TNC: variants seen among roughly 807,000 people sequenced by gnomAD.
TNC encodes the protein tenascin C, also known as tenascin.
In TNC, 109 loss-of-function variants were observed where a neutral mutation model predicts 202.4. The observed-to-expected ratio is 0.54, with a 90% CI of 0.46 to 0.63. The LOEUF is 0.63. Ranked by LOEUF, TNC falls within the 30% of genes least tolerant of loss-of-function variation. The pLI, the probability that TNC is intolerant of heterozygous loss-of-function variation, is 0.00. For missense variants in TNC, 2,756 were observed against 2,833.3 expected (o/e 0.97, Z 0.62); for synonymous variants, 1,007 against 1,089.7 (o/e 0.92, Z 1.50).
In TNC at chr9:115,114,836, T is replaced by C. The variant is rs557179213; in HGVS notation, c.-137+3146A>G. Among the ~76,000 whole-genome samples, 166 of 152,350 alleles carry C rather than the reference T, an allele frequency of 1.1e-3. 3 individuals carry two copies. The South Asian group carries it at 0.019, about 17-fold the overall frequency. On this transcript the variant is annotated intron_variant, in intron 1 of 27. Transcript: ENST00000350763. ...TAACTTCCTTGAGTGTCGATTTCTT[T>C]AAAATTGAGCTAGTAATTTATAATT...
At position 115,076,127 on chromosome 9, in the gene TNC, G is replaced by A. The variant is rs1171407454; in HGVS notation, c.2861-6C>T. On this transcript the variant is annotated splice_polypyrimidine_tract_variant and splice_region_variant and intron_variant, in intron 8 of 27. Coordinates refer to ENST00000350763, the MANE Select transcript of TNC (RefSeq NM_002160.4). ...TTCAGTTCCCGGCCTCAGACCTAAG[G>A]AGAGAATGTGCAAGTTGAGATTCAT... 2 of 1,612,974 alleles carry A rather than the reference G, an allele frequency of 1.2e-6. No homozygotes were observed. The highest frequency in any genetic ancestry group is 4.5e-5 in the East Asian group (2 of 44,866).
At position 115,078,217 on chromosome 9, in the gene TNC, G is replaced by C. The variant is rs759634027; in HGVS notation, c.2405-5C>G. On this transcript the variant is annotated splice_polypyrimidine_tract_variant and splice_region_variant and intron_variant, in intron 6 of 27. Coordinates refer to ENST00000350763, the MANE Select transcript of TNC (RefSeq NM_002160.4). The stretch of plus-strand genomic sequence containing the variant: ...TCTGGCTGGGGGCATCCAAGCCTAT[G>C]ATGGGCAGAGGACAGAGAGGCTTCA... 6.2e-7 allele frequency: 1 copy of C among 1,601,114 alleles called. No homozygotes were observed. The highest frequency in any genetic ancestry group is 8.5e-7 in the Non-Finnish European group (1 of 1,170,326).
Position 115,059,765 on chromosome 9 carries a change from T to C in TNC, c.4271A>G (p.Tyr1424Cys), listed in dbSNP as rs1192461670. The change falls in exon 14 of 28, where the codon TAT becomes TGT. Residue 1424 changes from tyrosine (Y) to cysteine (C), a missense_variant. This residue lies in a region of TNC where 2,559 missense variants were observed against 2,546.0 expected (regional missense o/e 1.01). Transcript: ENST00000350763. The stretch of plus-strand genomic sequence containing the variant: ...CTCAGCAGAGAGTACTGGTGTTCTA[T>C]AGCCCCGGATCACCCCATAGATGGA... ...RVSIYGVIRGYRTPVLSAEAS... is the reference protein window; with the variant it reads ...RVSIYGVIRGCRTPVLSAEAS... The C allele has an allele frequency of 1.2e-6, 2 of 1,613,276 alleles. No homozygotes were observed. The highest frequency in any genetic ancestry group is 1.7e-6 in the Non-Finnish European group (2 of 1,179,356).
chr9:115,087,698 C>CTTTTTTTTTT (rs752435283), intron 2 of TNC, among the ~76,000 whole-genome samples: 82 of 119,712 alleles, frequency 6.8e-4, no homozygotes, highest in Non-Finnish European at 9.0e-4. Flanking sequence ...TCTTTCTTTT[C>CTTTTTTTTTT]TTTTTTTTTT....
intron 15 of TNC, among the ~76,000 whole-genome samples, chr9:115,050,407 G>A (rs1016725281): frequency 6.6e-6 from 1 of 152,076 alleles, no homozygotes; most frequent in Non-Finnish European, 1.5e-5. Context: ...TACAAGCAAT[G>A]GCCTGATGGG....
intron 19 of TNC, 59 bp downstream of exon 19, chr9:115,040,882 C>G: frequency 6.5e-7 from 1 of 1,538,250 alleles, no homozygotes; most frequent in Non-Finnish European, 8.8e-7. Flanking sequence ...GCATAGGATG[C>G]ACAAGTGACC....
At chr9:115,106,166 C>T (rs1299617684) in intron 1 of TNC, among the ~76,000 whole-genome samples, 1 of 152,196 alleles carries the variant, frequency 6.6e-6, no homozygotes, top group Non-Finnish European at 1.5e-5. Context: ...AATATTTATA[C>T]TGTGCGTGGC....
At chr9:115,087,385 C>G (rs1834851377) in intron 2 of TNC, 112 bp from the exon 3 acceptor site, 1 of 1,042,420 alleles carries the variant, frequency 9.6e-7, no homozygotes, top group Non-Finnish European at 1.4e-6. Flanking sequence ...CACCCTCAGG[C>G]TCCATCTGGC....
chr9:115,115,656 A>G (rs929659720), intron 1 of TNC, among the ~76,000 whole-genome samples: 6 of 152,134 alleles, frequency 3.9e-5, no homozygotes, highest in Non-Finnish European at 8.8e-5. Flanking sequence ...CTATTTGTGG[A>G]CTTGCTCTTA....
At chr9:115,032,643 T>C (rs1420731045) in intron 22 of TNC, among the ~76,000 whole-genome samples, 2 of 152,188 alleles carry the variant, frequency 1.3e-5, no homozygotes, top group Non-Finnish European at 2.9e-5. Flanking sequence ...TCCCAAGTGA[T>C]TTGAATGTGC....
chr9:115,086,571 C>T lies in TNC; in HGVS notation c.1160G>A (p.Cys387Tyr). 1 of 1,614,172 alleles carries T rather than the reference C, an allele frequency of 6.2e-7. No individual in the cohort carries two copies. Among genetic ancestry groups the T allele is most frequent in the Non-Finnish European group, 8.5e-7 (1 of 1,180,048 alleles). Residue 387 changes from cysteine to tyrosine, a missense_variant, in exon 3 of 28, where the codon TGT becomes TAT. Cys to Tyr is a radical substitution (Grantham distance 194). Coordinates refer to ENST00000350763, the MANE Select transcript of TNC (RefSeq NM_002160.4). ...ATCACACTCACACCGCCCGTCTACA[C>T]AGCGGCCACGATTGTGACAGTCAGC... The part of the protein sequence containing the change: ...CPADCHNRGR[C>Y]VDGRCECDDG...
At position 115,048,379 on chromosome 9, in the gene TNC, G is replaced by A. The variant is rs777641975; in HGVS notation, c.4733C>T (p.Ser1578Leu). Residue 1578 changes from serine (S) to leucine (L), a missense_variant, in exon 16 of 28, where the codon TCA (serine) becomes TTA (leucine). Transcript: ENST00000350763. ...AAGCTCCAGCTTCCTCTGGGTTCCT[G>A]AAAGTGTGAATTCCTGGGGGTCCAG... ...KLLDPQEFTL[S>L]GTQRKLELRG... 6.2e-7 allele frequency: 1 copy of A among 1,613,958 alleles called. No individual in the cohort carries two copies. Among genetic ancestry groups the A allele is most frequent in the African/African-American group, 1.3e-5 (1 of 74,896 alleles).
At chr9:115,085,426 A>G (rs1834634298) in intron 3 of TNC, among the ~76,000 whole-genome samples, 1 of 152,216 alleles carries the variant, frequency 6.6e-6, no homozygotes, top group African/African-American at 2.4e-5. Context: ...ATCCAAATAC[A>G]GAGATTTTGT....
chr9:115,052,475 CAATA>C (rs200189324), intron 15 of TNC, among the ~76,000 whole-genome samples: 2,706 of 148,054 alleles, frequency 0.018, 59 homozygotes, highest in South Asian at 0.044. Flanking sequence ...TCTCACAGCA[CAATA>C]AATAAATAAA....
At chr9:115,026,498 T>G in intron 26 of TNC, 36 bp downstream of exon 26, 1 of 1,601,176 alleles carries the variant, frequency 6.2e-7, no homozygotes, top group Non-Finnish European at 8.5e-7. Flanking sequence ...AAGGTCTCCA[T>G]GGCTTTGTAG....
intron 26 of TNC, 53 bp downstream of exon 26, chr9:115,026,481 T>C: frequency 6.4e-7 from 1 of 1,564,810 alleles, no homozygotes; most frequent in South Asian, 1.1e-5. Context: ...AAACTGTAAA[T>C]GTCAAGAAGG....
At chr9:115,023,882 C>G in intron 27 of TNC, 91 bp downstream of exon 27, 2 of 1,408,514 alleles carry the variant, frequency 1.4e-6, no homozygotes, top group Non-Finnish European at 2.0e-6. Context: ...GCCTCCTAGT[C>G]TCTGCTAGGA....
chr9:115,026,388 G>A, intron 26 of TNC, 146 bp downstream of exon 26: 1 of 831,042 alleles, frequency 1.2e-6, no homozygotes, highest in Non-Finnish European at 1.8e-6. Context: ...AGTTTTTCTG[G>A]ATTGGCACTC....
chr9:115,074,684 G>T (rs1833707959), intron 9 of TNC, among the ~76,000 whole-genome samples: 1 of 152,168 alleles, frequency 6.6e-6, no homozygotes, highest in African/African-American at 2.4e-5. Context: ...GAGGGAGGTG[G>T]CTGTGGCTGC....
Sources: allele counts gnomAD v4.1 joint callset (sites outside exome capture counted in the v4.1 genomes callset), GRCh38; gene constraint gnomAD v4.1.1; regional missense constraint gnomAD v4.1.1; transcripts MANE v1.5; gene names NCBI Gene and HGNC (gene_info 2026-07-23, HGNC 2026-07-21).